GRID2: variants seen among roughly 807,000 people sequenced by gnomAD.
GRID2 encodes glutamate ionotropic receptor delta type subunit 2, also known as glutamate receptor ionotropic, delta-2.
Under a neutral mutation model 114.8 loss-of-function variants are expected in GRID2, and 33 were observed. That is an observed-to-expected ratio of 0.29 (90% CI 0.22 to 0.38). The LOEUF (loss-of-function observed/expected upper bound fraction) is 0.38, where lower values mean the gene tolerates loss of function less well. Among genes scored for constraint, GRID2 ranks in the 10% least tolerant of loss-of-function variants. The probability of loss-of-function intolerance (pLI) is 1.00; values close to 1 mark genes in which losing one functional copy is unlikely to be tolerated. For synonymous variants in GRID2, 505 were observed against 449.9 expected, an observed-to-expected ratio of 1.12 and a Z score of -1.55; for missense variants, 1,184 against 1,257.7, an observed-to-expected ratio of 0.94 and a Z score of 0.89.
At chr4:93,233,334 TA>T (rs67629058) in intron 7 of GRID2, among the ~76,000 whole-genome samples, 62,486 of 142,212 alleles carry the variant, frequency 0.44, 13,754 homozygotes, top group Middle Eastern at 0.66. Context: ...TTATTATTAT[TA>T]TTTTTTTTTT....
intron 13 of GRID2, among the ~76,000 whole-genome samples, chr4:93,530,004 G>A (rs937188130): frequency 6.6e-6 from 1 of 152,104 alleles, no homozygotes; most frequent in Non-Finnish European, 1.5e-5. Flanking sequence ...TCATCAGGCT[G>A]AAAATTGAGG....
chr4:93,245,242 T>C (rs1748069386), intron 8 of GRID2, among the ~76,000 whole-genome samples: 1 of 152,142 alleles, frequency 6.6e-6, no homozygotes, highest in Admixed American at 6.6e-5. Flanking sequence ...AACTAATGAA[T>C]ACATGTGCAT....
chr4:92,963,197 G>C (rs1560750061), intron 2 of GRID2, among the ~76,000 whole-genome samples: 1 of 152,096 alleles, frequency 6.6e-6, no homozygotes, highest in Middle Eastern at 3.4e-3. Flanking sequence ...TAGGGTGGTG[G>C]TTGCTAACTG....
intron 1 of GRID2, among the ~76,000 whole-genome samples, chr4:92,549,348 A>G (rs1579564056): frequency 6.6e-6 from 1 of 152,250 alleles, no homozygotes; most frequent in South Asian, 2.1e-4. Context: ...GGGACTATAT[A>G]CCACACCATG....
intron 1 of GRID2, among the ~76,000 whole-genome samples, chr4:92,382,166 TA>T (rs1187546832): frequency 6.6e-6 from 1 of 151,876 alleles, no homozygotes; most frequent in Non-Finnish European, 1.5e-5. Context: ...TTTATTACAT[TA>T]AATGACTGTA....
intron 2 of GRID2, among the ~76,000 whole-genome samples, chr4:92,649,229 G>A (rs1731805957): frequency 7.9e-6 from 1 of 126,228 alleles, no homozygotes; most frequent in South Asian, 2.6e-4. Context: ...GACTATGGAG[G>A]TAGAGAATTC....
chr4:93,798,814 G>A (rs1019869070), intron 1 of GRID2, among the ~76,000 whole-genome samples: 2 of 152,182 alleles, frequency 1.3e-5, no homozygotes, highest in African/African-American at 4.8e-5. Flanking sequence ...AAGAGAACTG[G>A]ACCAGGAGGC....
intron 1 of GRID2, among the ~76,000 whole-genome samples, chr4:92,586,909 A>G (rs1183847011): frequency 6.6e-6 from 1 of 152,024 alleles, no homozygotes; most frequent in Non-Finnish European, 1.5e-5. Context: ...GTATGTTTGT[A>G]TAAGGATTAC....
At chr4:93,235,836 A>G (rs542083228) in intron 7 of GRID2, among the ~76,000 whole-genome samples, 1 of 152,250 alleles carries the variant, frequency 6.6e-6, no homozygotes, top group Non-Finnish European at 1.5e-5. Context: ...GGATAAAGGC[A>G]TGACCTGGAG....
intron 2 of GRID2, among the ~76,000 whole-genome samples, chr4:92,808,119 C>T (rs2149376997): frequency 6.6e-6 from 1 of 151,992 alleles, no homozygotes; most frequent in East Asian, 1.9e-4. Flanking sequence ...CAACTGCTGG[C>T]TTTGAAGATG....
rs866801062 is a variant in GRID2, at chr4:93,773,472, C to T, written c.*974C>T. The T allele has an allele frequency of 2.6e-5, 4 of 152,014 alleles. No individual in the cohort carries two copies. Among genetic ancestry groups the T allele is most frequent in the African/African-American group, 4.8e-5 (2 of 41,398 alleles). The allele number at this position is 152,014 out of a possible 1,614,324, so 9.4% of individuals were successfully genotyped here. A position where few individuals can be genotyped will look rare whatever the true frequency, so the allele number is the denominator to read the frequency against. ...CATCCAGGGCAATTTAATATTTGTT[C>T]CTAGATGTAACTCATTTGAATAGGT... On this transcript the variant is annotated 3_prime_UTR_variant, in exon 16 of 16. Coordinates refer to ENST00000282020, the MANE Select transcript of GRID2 (RefSeq NM_001510.4).
chr4:93,726,779 C>G (rs1357909767), intron 14 of GRID2, among the ~76,000 whole-genome samples: 1 of 152,048 alleles, frequency 6.6e-6, no homozygotes, highest in East Asian at 1.9e-4. Context: ...TGATTTGGCT[C>G]TCTGTTTGTC....
chr4:93,204,795 G>A (rs921968936), intron 4 of GRID2, among the ~76,000 whole-genome samples: 1 of 152,094 alleles, frequency 6.6e-6, no homozygotes, highest in Admixed American at 6.6e-5. Context: ...ATTTCTACAG[G>A]TGATGCAGAG....
intron 12 of GRID2, among the ~76,000 whole-genome samples, chr4:93,503,698 A>T (rs1728357499): frequency 6.6e-6 from 1 of 151,984 alleles, no homozygotes; most frequent in Admixed American, 6.6e-5. Flanking sequence ...TAAAAAAGTG[A>T]TCCAATTCTT....
chr4:93,741,383 T>G (rs911247739), intron 14 of GRID2, among the ~76,000 whole-genome samples: 4 of 151,768 alleles, frequency 2.6e-5, no homozygotes, highest in Non-Finnish European at 5.9e-5. Context: ...ATAATTTTAC[T>G]TCCTGCCAGC....
intron 13 of GRID2, among the ~76,000 whole-genome samples, chr4:93,563,060 G>A (rs1225077325): frequency 6.6e-6 from 1 of 151,978 alleles, no homozygotes; most frequent in Non-Finnish European, 1.5e-5. Context: ...TTTTATAGCA[G>A]TGAAAAATGC....
intron 2 of GRID2, among the ~76,000 whole-genome samples, chr4:92,716,477 G>A (rs991900075): frequency 2.6e-5 from 4 of 152,184 alleles, no homozygotes; most frequent in Non-Finnish European, 5.9e-5. Flanking sequence ...AGTAAATTTG[G>A]ATAGTACGTT....
intron 2 of GRID2, among the ~76,000 whole-genome samples, chr4:92,984,710 C>T (rs1754403085): frequency 6.6e-6 from 1 of 151,832 alleles, no homozygotes; most frequent in Non-Finnish European, 1.5e-5. Flanking sequence ...CTTTTCTGTT[C>T]TAGAATCTGA....
intron 14 of GRID2, among the ~76,000 whole-genome samples, chr4:93,645,753 G>A (rs912285753): frequency 6.6e-6 from 1 of 152,016 alleles, no homozygotes; most frequent in Admixed American, 6.6e-5. Context: ...AAATTTCCAT[G>A]TTTTATCTTC....
Sources: allele counts gnomAD v4.1 joint callset (sites outside exome capture counted in the v4.1 genomes callset), GRCh38; gene constraint gnomAD v4.1.1; transcripts MANE v1.5; gene names NCBI Gene and HGNC (gene_info 2026-07-23, HGNC 2026-07-21).